LMX1A: variants seen among roughly 807,000 people sequenced by gnomAD.
LMX1A encodes LIM homeobox transcription factor 1-alpha.
Under a neutral mutation model 49.1 loss-of-function variants are expected in LMX1A, and 15 were observed. That is an observed-to-expected ratio of 0.31 (90% CI 0.20 to 0.47). The LOEUF (loss-of-function observed/expected upper bound fraction) is 0.47, where lower values mean the gene tolerates loss of function less well. Ranked by LOEUF, LMX1A falls within the 20% of genes least tolerant of loss-of-function variation. LMX1A has a pLI of 1.00. For synonymous variants in LMX1A, 167 were observed against 185.7 expected (o/e 0.90, Z 0.82); for missense variants, 372 against 475.8 (o/e 0.78, Z 2.03).
At chr1:165,261,902 G>C (rs1653452258) in intron 3 of LMX1A, among the ~76,000 whole-genome samples, 1 of 152,118 alleles carries the variant, frequency 6.6e-6, no homozygotes, top group Admixed American at 6.6e-5. Context: ...TGAGCATAGA[G>C]TTTTAGTTTG....
chr1:165,343,800 T>C (rs1344612314), intron 3 of LMX1A, among the ~76,000 whole-genome samples: 2 of 152,222 alleles, frequency 1.3e-5, no homozygotes, highest in Non-Finnish European at 2.9e-5. Context: ...CTACAAAGTG[T>C]TATTTGCACA....
chr1:165,254,081 C>T (rs1653148906), intron 3 of LMX1A, among the ~76,000 whole-genome samples: 1 of 152,162 alleles, frequency 6.6e-6, no homozygotes. Context: ...TCCTCCCCTT[C>T]CCCTGGAATT....
chr1:165,304,320 T>C (rs1404749864), intron 3 of LMX1A, among the ~76,000 whole-genome samples: 1 of 152,218 alleles, frequency 6.6e-6, no homozygotes, highest in Non-Finnish European at 1.5e-5. Context: ...TCCAAGATTG[T>C]AGTCCAGTCT....
chr1:165,333,877 T>A (rs1271410449), intron 3 of LMX1A, among the ~76,000 whole-genome samples: 1 of 152,222 alleles, frequency 6.6e-6, no homozygotes, highest in African/African-American at 2.4e-5. Flanking sequence ...CTTGTAGGGA[T>A]TGCCTATGAA....
intron 3 of LMX1A, among the ~76,000 whole-genome samples, chr1:165,342,844 AAGC>A (rs1484923847): frequency 6.6e-6 from 1 of 151,922 alleles, no homozygotes; most frequent in Non-Finnish European, 1.5e-5. Flanking sequence ...ACCAGAATTC[AAGC>A]AGCAGATGGT....
At chr1:165,248,720 A>T (rs1318592084) in intron 4 of LMX1A, among the ~76,000 whole-genome samples, 1 of 152,176 alleles carries the variant, frequency 6.6e-6, no homozygotes, top group Non-Finnish European at 1.5e-5. Flanking sequence ...ACAAATGAGG[A>T]AACAAAAGCT....
rs920765221 is a variant in LMX1A, at chr1:165,355,846, C to T, written c.-22-265G>A. 8.4e-6 allele frequency: 4 copies of T among 474,720 alleles called. No homozygotes were observed. The highest frequency in any genetic ancestry group is 1.1e-5 in the Non-Finnish European group (3 of 264,694). 29.4% of individuals were successfully genotyped at this position (474,720 alleles called of 1,614,324 possible). ...ACTGCGTTTCTCCTTCTCCTGCCCC[C>T]CTCACCCCCACCTACATCCCTTGCC... On this transcript the variant is annotated intron_variant, in intron 1 of 8. Coordinates refer to ENST00000342310, the MANE Select transcript of LMX1A (RefSeq NM_177398.4). The surrounding 1 kb of genome is among the most constrained non-coding windows in gnomAD (Gnocchi z 4.7).
rs1187575713 is a variant in LMX1A at position 165,205,963 on chromosome 1, G to C, written c.889C>G (p.Gln297Glu). Residue 297 changes from glutamine to glutamate, a missense_variant, in exon 8 of 9, where the codon CAG (glutamine) becomes GAG (glutamate). This residue lies in a region of LMX1A where 127 missense variants were observed against 138.0 expected (regional missense o/e 0.92). Coordinates refer to ENST00000342310, the MANE Select transcript of LMX1A (RefSeq NM_177398.4). ...CTCTGCTCGATGGCCAGGAGCTGCT[G>C]TGGGGTGGGCAGAGCCGTGTAGGGG... Reference protein sequence around the residue: ...MNPYTALPTPQQLLAIEQSVY... With the variant: ...MNPYTALPTPEQLLAIEQSVY... 2.5e-6 allele frequency: 4 copies of C among 1,613,726 alleles called. No individual in the cohort carries two copies. The highest frequency in any genetic ancestry group is 3.4e-6 in the Non-Finnish European group (4 of 1,179,822).
intron 3 of LMX1A, among the ~76,000 whole-genome samples, chr1:165,259,960 G>A (rs1412365897): frequency 6.6e-6 from 1 of 152,164 alleles, no homozygotes; most frequent in African/African-American, 2.4e-5. Flanking sequence ...TCAAGCCCTA[G>A]AGCAAAAGAC....
At chr1:165,253,170 GGA>G (rs1433467232) in intron 3 of LMX1A, among the ~76,000 whole-genome samples, 2 of 152,138 alleles carry the variant, frequency 1.3e-5, no homozygotes, top group African/African-American at 2.4e-5. Flanking sequence ...CATGCTAGTG[GGA>G]GAGAGTAAAC....
At chr1:165,283,289 G>A (rs2101707920) in intron 3 of LMX1A, among the ~76,000 whole-genome samples, 1 of 152,344 alleles carries the variant, frequency 6.6e-6, no homozygotes, top group African/African-American at 2.4e-5. Flanking sequence ...GCCTAAATGT[G>A]TAGTAGCAGG....
chr1:165,326,409 G>A (rs1475862465), intron 3 of LMX1A, among the ~76,000 whole-genome samples: 2 of 152,174 alleles, frequency 1.3e-5, no homozygotes, highest in Non-Finnish European at 2.9e-5. Flanking sequence ...CCACAAATGT[G>A]TTCCTCTCTC....
chr1:165,328,414 C>A (rs149740452), intron 3 of LMX1A, among the ~76,000 whole-genome samples: 1 of 152,366 alleles, frequency 6.6e-6, no homozygotes, highest in African/African-American at 2.4e-5. Context: ...ACAAGCCCTG[C>A]AGTCTGGAAG....
intron 3 of LMX1A, among the ~76,000 whole-genome samples, chr1:165,281,200 G>GA (rs200651337): frequency 2.8e-4 from 42 of 151,034 alleles, no homozygotes; most frequent in African/African-American, 8.0e-4. Flanking sequence ...GTACCTCTGA[G>GA]AAAAAAAAAG....
intron 6 of LMX1A, 27 bp from the exon 7 acceptor site, chr1:165,208,159 G>C: frequency 6.2e-7 from 1 of 1,609,116 alleles, no homozygotes; most frequent in South Asian, 1.1e-5. Context: ...CATAGGATTA[G>C]AAGTCAGGTG....
At chr1:165,227,558 T>TACATACATACATACAC (rs1233328178) in intron 4 of LMX1A, among the ~76,000 whole-genome samples, 2 of 151,782 alleles carry the variant, frequency 1.3e-5, no homozygotes, top group Non-Finnish European at 2.9e-5. Context: ...CATACGTACA[T>TACATACATACATACAC]ACATACATAC....
In LMX1A at chr1:165,355,620, C is replaced by T; in HGVS notation, c.-22-39G>A. 6.6e-7 allele frequency: 1 copy of T among 1,517,908 alleles called. No individual in the cohort carries two copies. The highest frequency in any genetic ancestry group is 9.1e-7 in the Non-Finnish European group (1 of 1,102,312). 94.0% of individuals were successfully genotyped at this position (1,517,908 alleles called of 1,614,324 possible). A position where few individuals can be genotyped will look rare whatever the true frequency, so the allele number is the denominator to read the frequency against. On this transcript the variant is annotated intron_variant, in intron 1 of 8. Coordinates refer to ENST00000342310, the MANE Select transcript of LMX1A (RefSeq NM_177398.4). The surrounding 1 kb of genome is among the most constrained non-coding windows in gnomAD (Gnocchi z 4.7). ...GAAACGATGCGTCTGACGTCCGTGCCCGCTGGGACTCGGCGCCAGCAGCCA... is the reference window on the plus strand; with the variant it reads ...GAAACGATGCGTCTGACGTCCGTGCTCGCTGGGACTCGGCGCCAGCAGCCA...
chr1:165,231,366 C>T (rs138349904), intron 4 of LMX1A, among the ~76,000 whole-genome samples: 1 of 151,870 alleles, frequency 6.6e-6, no homozygotes, highest in Non-Finnish European at 1.5e-5. Context: ...TGCAGTGGTG[C>T]CATCATAGCT....
intron 4 of LMX1A, among the ~76,000 whole-genome samples, chr1:165,242,476 A>AAG (rs1652689827): frequency 1.3e-5 from 2 of 152,058 alleles, no homozygotes; most frequent in Non-Finnish European, 2.9e-5. Context: ...GCAAAAAAAA[A>AAG]AAAGCATTTG....
Sources: allele counts gnomAD v4.1 joint callset (sites outside exome capture counted in the v4.1 genomes callset), GRCh38; gene constraint gnomAD v4.1.1; regional missense constraint gnomAD v4.1.1; non-coding constraint Gnocchi (gnomAD v3.1); transcripts MANE v1.5; gene names NCBI Gene and HGNC (gene_info 2026-07-23, HGNC 2026-07-21).